CHSY3: variants seen among roughly 807,000 people sequenced by gnomAD.
The protein encoded by CHSY3 is N-acetylgalactosaminyl-proteoglycan 3-beta-glucuronosyltransferase 3.
Under a neutral mutation model 67.2 loss-of-function variants are expected in CHSY3, and 35 were observed. That is an observed-to-expected ratio of 0.52 (90% CI 0.40 to 0.69). The LOEUF is 0.69. Ranked by LOEUF, CHSY3 falls within the 30% of genes least tolerant of loss-of-function variation. The pLI is 0.00. For missense variants in CHSY3, 1,069 were observed against 1,138.5 expected (o/e 0.94, Z 0.88); for synonymous variants, 474 against 434.7 (o/e 1.09, Z -1.12).
At chr5:130,149,386 A>G (rs1333550221) in intron 2 of CHSY3, among the ~76,000 whole-genome samples, 2 of 152,214 alleles carry the variant, frequency 1.3e-5, no homozygotes, top group Non-Finnish European at 1.5e-5. Context: ...TAATTATGGC[A>G]GAAGGCAAAG....
chr5:130,177,518 T>C (rs913594506), intron 2 of CHSY3, among the ~76,000 whole-genome samples: 16 of 152,158 alleles, frequency 1.1e-4, no homozygotes, highest in African/African-American at 3.9e-4. Flanking sequence ...TTCATTGATA[T>C]CTTGTTTAGC....
At chr5:129,973,840 G>C (rs1339659752) in intron 2 of CHSY3, among the ~76,000 whole-genome samples, 2 of 152,138 alleles carry the variant, frequency 1.3e-5, no homozygotes, top group East Asian at 3.9e-4. Flanking sequence ...AGACTCCATA[G>C]CAACATCTGC....
At chr5:130,018,520 G>T (rs866525391) in intron 2 of CHSY3, among the ~76,000 whole-genome samples, 48 of 152,226 alleles carry the variant, frequency 3.2e-4, no homozygotes, top group African/African-American at 1.1e-3. Flanking sequence ...TACTGCTGTG[G>T]CTTTTATGCT....
intron 2 of CHSY3, among the ~76,000 whole-genome samples, chr5:130,009,409 C>G (rs1004223294): frequency 6.6e-6 from 1 of 151,864 alleles, no homozygotes; most frequent in East Asian, 1.9e-4. Flanking sequence ...TTTCAGACAA[C>G]CAAATGCTAA....
At chr5:130,150,221 C>T (rs948247021) in intron 2 of CHSY3, among the ~76,000 whole-genome samples, 4 of 151,768 alleles carry the variant, frequency 2.6e-5, no homozygotes, top group African/African-American at 7.3e-5. Context: ...ATTCCAATAA[C>T]GGGGAAAAAT....
chr5:129,920,992 T>A (rs549591943), intron 2 of CHSY3, among the ~76,000 whole-genome samples: 54 of 152,268 alleles, frequency 3.5e-4, no homozygotes, highest in Admixed American at 2.3e-3. Context: ...CTAACTTTTT[T>A]ATTTTTTTGT....
chr5:129,942,871 G>A (rs1378330371), intron 2 of CHSY3, among the ~76,000 whole-genome samples: 1 of 152,112 alleles, frequency 6.6e-6, no homozygotes, highest in African/African-American at 2.4e-5. Flanking sequence ...GGATATATAT[G>A]AGAATAGCTT....
At position 130,041,171 on chromosome 5, in the gene CHSY3, C is replaced by A. The variant is rs114204168; in HGVS notation, c.1086+132811C>A. Among the ~76,000 whole-genome samples the A allele has an allele frequency of 4.1e-3, 620 of 152,142 alleles. 5 individuals carry two copies. Among genetic ancestry groups the A allele is most frequent in the African/African-American group, 0.014 (586 of 41,512 alleles). ...CTTACCCCCCAAAAAAGTTACATGCCCCTTACCCACCCAATGACTGACTGA... is the reference window on the plus strand; with the variant it reads ...CTTACCCCCCAAAAAAGTTACATGCACCTTACCCACCCAATGACTGACTGA... On this transcript the variant is annotated intron_variant, in intron 2 of 2. Coordinates refer to ENST00000305031, the MANE Select transcript of CHSY3 (RefSeq NM_175856.5).
intron 2 of CHSY3, among the ~76,000 whole-genome samples, chr5:130,153,375 C>T (rs1263839462): frequency 6.6e-6 from 1 of 152,022 alleles, no homozygotes; most frequent in Non-Finnish European, 1.5e-5. Context: ...TACCCTTCTC[C>T]TAGCCATTCT....
rs531840413 is a variant in CHSY3, at chr5:130,178,487, C to T, written c.1087-5742C>T. On this transcript the variant is annotated intron_variant, in intron 2 of 2. Transcript: ENST00000305031. ...CAGGATGGTCTCCATCTCCTGACCT[C>T]GTGATCCGCCCGTCTCGGCCTCCGA... 1.8e-3 allele frequency among the ~76,000 whole-genome samples: 274 copies of T among 151,768 alleles called. 1 individual carries two copies. The highest frequency in any genetic ancestry group is 3.2e-3 in the Admixed American group (49 of 15,228).
intron 2 of CHSY3, among the ~76,000 whole-genome samples, chr5:130,180,717 G>A (rs767544092): frequency 2.3e-4 from 35 of 151,520 alleles, no homozygotes; most frequent in Non-Finnish European, 3.7e-4. Flanking sequence ...AGCCGGGTGC[G>A]GTGGCATGCA....
intron 2 of CHSY3, among the ~76,000 whole-genome samples, chr5:130,152,087 T>G (rs56264816): frequency 0.1 from 15,822 of 152,258 alleles, 1,473 homozygotes; most frequent in East Asian, 0.31. Context: ...GAGACACATT[T>G]TAAAAATCAG....
At chr5:130,152,716 T>C (rs1769265151) in intron 2 of CHSY3, among the ~76,000 whole-genome samples, 1 of 152,226 alleles carries the variant, frequency 6.6e-6, no homozygotes, top group Admixed American at 6.5e-5. Context: ...TTAAAAGCTG[T>C]TTTGCAAAGA....
intron 2 of CHSY3, chr5:129,974,977 C>T: frequency 6.6e-6 from 1 of 151,818 alleles, no homozygotes; most frequent in East Asian, 2.0e-4. Flanking sequence ...TACGCAAGGA[C>T]AAAAACCCAA....
At chr5:129,962,619 C>T (rs1762364136) in intron 2 of CHSY3, among the ~76,000 whole-genome samples, 1 of 152,020 alleles carries the variant, frequency 6.6e-6, no homozygotes, top group South Asian at 2.1e-4. Context: ...TGGTCTGACA[C>T]CTGTGTGCTT....
At chr5:129,971,974 G>A (rs966126236) in intron 2 of CHSY3, among the ~76,000 whole-genome samples, 1 of 151,982 alleles carries the variant, frequency 6.6e-6, no homozygotes, top group Non-Finnish European at 1.5e-5. Context: ...TTCATCTGCA[G>A]CTAATTCAAA....
chr5:130,105,182 C>G (rs1402650583), intron 2 of CHSY3, among the ~76,000 whole-genome samples: 1 of 151,560 alleles, frequency 6.6e-6, no homozygotes, highest in African/African-American at 2.4e-5. Context: ...CTGTGCACAT[C>G]CTTTCTCCCT....
intron 2 of CHSY3, among the ~76,000 whole-genome samples, chr5:129,934,737 T>C (rs1488387113): frequency 1.3e-5 from 2 of 152,158 alleles, no homozygotes; most frequent in Non-Finnish European, 2.9e-5. Flanking sequence ...TTTCCAAAAA[T>C]AATGCTGACA....
intron 2 of CHSY3, among the ~76,000 whole-genome samples, chr5:130,006,407 G>A (rs1234542422): frequency 1.3e-5 from 2 of 152,166 alleles, no homozygotes; most frequent in Non-Finnish European, 1.5e-5. Flanking sequence ...TTTAAGCTGT[G>A]AGCGACAAGT....
Sources: gnomAD v4.1 joint callset for allele counts (sites outside exome capture counted in the v4.1 genomes callset) on GRCh38, gnomAD v4.1.1 for gene constraint, MANE v1.5 for transcripts, NCBI Gene and HGNC (gene_info 2026-07-23, HGNC 2026-07-21) for gene names.